Variants in TMEM135 observed in about 807,000 individuals in gnomAD.
The protein encoded by TMEM135 is peroxisomal membrane protein 52.
In TMEM135, 30 loss-of-function variants were observed where a neutral mutation model predicts 60.3. That is an observed-to-expected ratio of 0.50 (90% CI 0.37 to 0.68). The LOEUF (loss-of-function observed/expected upper bound fraction) is 0.68. Ranked by LOEUF, TMEM135 falls within the 30% of genes least tolerant of loss-of-function variation. TMEM135 has a pLI of 0.00. For missense variants in TMEM135, 468 were observed against 548.8 expected (o/e 0.85, Z 1.47); for synonymous variants, 190 against 186.7 (o/e 1.02, Z -0.14).
At chr11:87,099,796 C>T (rs1196528124) in intron 4 of TMEM135, among the ~76,000 whole-genome samples, 1 of 150,594 alleles carries the variant, frequency 6.6e-6, no homozygotes, top group South Asian at 2.1e-4. Context: ...GATTCTCCTG[C>T]CTCAGCTTCC....
At chr11:87,268,261 ATTTATTTATTTATT>A in intron 6 of TMEM135, among the ~76,000 whole-genome samples, 7 of 55,864 alleles carry the variant, frequency 1.3e-4, no homozygotes. Context: ...CTAGATATTT[ATTTATTTATTTATT>A]TATTTATTTA....
At chr11:87,159,793 A>G (rs569946180) in intron 5 of TMEM135, among the ~76,000 whole-genome samples, 5 of 152,206 alleles carry the variant, frequency 3.3e-5, no homozygotes, top group Non-Finnish European at 5.9e-5. Flanking sequence ...ACCAGTGTCC[A>G]GATTCTACTT....
chr11:87,065,421 C>T (rs375383867), intron 1 of TMEM135, among the ~76,000 whole-genome samples: 7 of 152,202 alleles, frequency 4.6e-5, no homozygotes, highest in Admixed American at 2.6e-4. Flanking sequence ...CTTTAACTAG[C>T]ATTTTCCTGA....
At chr11:87,215,682 CTCTA>C in intron 5 of TMEM135, among the ~76,000 whole-genome samples, 1 of 152,296 alleles carries the variant, frequency 6.6e-6, no homozygotes, top group East Asian at 1.9e-4. Flanking sequence ...GAACTTACCT[CTCTA>C]TCTCTGTCTC....
chr11:87,302,192 TA>T, intron 7 of TMEM135, 103 bp from the exon 8 acceptor site: 1 of 1,204,230 alleles, frequency 8.3e-7, no homozygotes, highest in Non-Finnish European at 1.2e-6. Flanking sequence ...TCTCAAATGA[TA>T]AAATACTTGC....
At chr11:87,172,006 C>G (rs540372058) in intron 5 of TMEM135, among the ~76,000 whole-genome samples, 8 of 152,222 alleles carry the variant, frequency 5.3e-5, no homozygotes, top group African/African-American at 1.9e-4. Flanking sequence ...TCCTAACAAG[C>G]CAGGGACCAG....
intron 5 of TMEM135, among the ~76,000 whole-genome samples, chr11:87,206,579 G>T (rs654083): frequency 0.13 from 19,803 of 152,102 alleles, 1,343 homozygotes; most frequent in Non-Finnish European, 0.15. Flanking sequence ...ACCTGTGGCA[G>T]TGTTGCTAAG....
Position 87,323,033 on chromosome 11 carries a change from C to A in TMEM135, c.*1700C>A, listed in dbSNP as rs1265050913. On this transcript the variant is annotated 3_prime_UTR_variant, in exon 15 of 15. Coordinates refer to ENST00000305494, the MANE Select transcript of TMEM135 (RefSeq NM_022918.4). The stretch of plus-strand genomic sequence containing the variant: ...TACTAAAGCCCTGAGAACTGCACCT[C>A]ATTTTCTTTATCCAGAAATTGTGCT... 2 of 454,222 alleles carry A rather than the reference C, an allele frequency of 4.4e-6. No homozygotes were observed. The highest frequency in any genetic ancestry group is 4.7e-5 in the Admixed American group (2 of 42,542). The allele number at this position is 454,222 out of a possible 1,614,324, so 28.1% of individuals were successfully genotyped here.
rs1445601024 is a variant in TMEM135, at chr11:87,039,237, G to T, written c.141+1051G>T. 5.9e-5 allele frequency among the ~76,000 whole-genome samples: 9 copies of T among 152,180 alleles called. No homozygotes were observed. The South Asian group carries it at 6.2e-4, about 10-fold the overall frequency. Reference sequence around the variant, plus strand: ...TATTTCAGAGATAACACAGGAGAAGGTGATGACTTTGTTTGAGGTTGCAGG... The same window carrying T: ...TATTTCAGAGATAACACAGGAGAAGTTGATGACTTTGTTTGAGGTTGCAGG... On this transcript the variant is annotated intron_variant, in intron 1 of 14. Coordinates refer to ENST00000305494, the MANE Select transcript of TMEM135 (RefSeq NM_022918.4).
chr11:87,318,683 A>G (rs770482121), intron 13 of TMEM135, among the ~76,000 whole-genome samples: 1 of 152,058 alleles, frequency 6.6e-6, no homozygotes. Flanking sequence ...GAATTCTGTA[A>G]CCATTATTAT....
intron 4 of TMEM135, among the ~76,000 whole-genome samples, chr11:87,133,387 G>A (rs1937993360): frequency 6.6e-6 from 1 of 152,042 alleles, no homozygotes; most frequent in South Asian, 2.1e-4. Flanking sequence ...ATGCTCCTTG[G>A]TAAGTCCTCC....
At chr11:87,185,007 C>T (rs1238672843) in intron 5 of TMEM135, among the ~76,000 whole-genome samples, 1 of 152,022 alleles carries the variant, frequency 6.6e-6, no homozygotes, top group African/African-American at 2.4e-5. Flanking sequence ...CCCAATGTAG[C>T]CATCATCCAG....
chr11:87,319,690 C>G, intron 14 of TMEM135, among the ~76,000 whole-genome samples: 1 of 151,808 alleles, frequency 6.6e-6, no homozygotes, highest in African/African-American at 2.4e-5. Flanking sequence ...TAAACAGATT[C>G]ATTAAAGATC....
intron 5 of TMEM135, among the ~76,000 whole-genome samples, chr11:87,158,902 C>T (rs891597491): frequency 6.6e-6 from 1 of 152,160 alleles, no homozygotes; most frequent in African/African-American, 2.4e-5. Flanking sequence ...ATGTAGTAAT[C>T]TGCCTATGAT....
chr11:87,167,442 GT>G (rs745847982), intron 5 of TMEM135, among the ~76,000 whole-genome samples: 12 of 152,116 alleles, frequency 7.9e-5, no homozygotes, highest in Non-Finnish European at 1.6e-4. Context: ...TTGTCTGTGG[GT>G]TTGTCATAAA....
At chr11:87,222,275 T>C (rs1489279019) in intron 5 of TMEM135, among the ~76,000 whole-genome samples, 1 of 147,788 alleles carries the variant, frequency 6.8e-6, no homozygotes, top group African/African-American at 2.5e-5. Flanking sequence ...GGCAGGCAGA[T>C]CACGAGGTCA....
intron 5 of TMEM135, among the ~76,000 whole-genome samples, chr11:87,184,528 T>C (rs767029781): frequency 1.3e-5 from 2 of 152,168 alleles, no homozygotes; most frequent in Non-Finnish European, 1.5e-5. Context: ...TTAGCTCATA[T>C]AGTAAATGAA....
intron 6 of TMEM135, among the ~76,000 whole-genome samples, chr11:87,273,271 T>C (rs1941903479): frequency 6.6e-6 from 1 of 152,214 alleles, no homozygotes; most frequent in African/African-American, 2.4e-5. Context: ...AATCTGATGT[T>C]GTGAGGATTA....
chr11:87,237,372 C>T (rs181836076), intron 6 of TMEM135, among the ~76,000 whole-genome samples: 1 of 151,906 alleles, frequency 6.6e-6, no homozygotes, highest in Non-Finnish European at 1.5e-5. Flanking sequence ...TTATTTTACT[C>T]TTATTGCCCT....
Sources: gnomAD v4.1 joint callset for allele counts (sites outside exome capture counted in the v4.1 genomes callset) on GRCh38, gnomAD v4.1.1 for gene constraint, MANE v1.5 for transcripts, NCBI Gene and HGNC (gene_info 2026-07-23, HGNC 2026-07-21) for gene names.